The following ZNF569 variants were observed in gnomAD, a reference collection of about 807,000 sequenced individuals.
ZNF569 encodes zinc finger protein 569.
A neutral mutation model predicts 56.3 loss-of-function variants in ZNF569; 38 were observed. The observed-to-expected ratio is 0.68, with a 90% CI of 0.52 to 0.88. ZNF569 has a LOEUF of 0.88. Among genes scored for constraint, ZNF569 ranks in the 40% least tolerant of loss-of-function variants. The probability of loss-of-function intolerance (pLI) is 0.00; values close to 1 mark genes in which losing one functional copy is unlikely to be tolerated. For synonymous variants in ZNF569, 241 were observed against 262.9 expected (o/e 0.92, Z 0.81); for missense variants, 666 against 809.2 (o/e 0.82, Z 2.15).
intron 3 of ZNF569, among the ~76,000 whole-genome samples, chr19:37,440,783 T>C (rs1022340016): frequency 5.9e-5 from 9 of 152,212 alleles, no homozygotes; most frequent in African/African-American, 2.2e-4. Context: ...TCAGCTGAAC[T>C]AATTTCATTT....
At chr19:37,446,672 A>G (rs891128019) in intron 2 of ZNF569, among the ~76,000 whole-genome samples, 1 of 152,160 alleles carries the variant, frequency 6.6e-6, no homozygotes, top group East Asian at 1.9e-4. Context: ...CTAAAAGATA[A>G]CATTCGAAAA....
intron 2 of ZNF569, among the ~76,000 whole-genome samples, chr19:37,460,402 CAAAG>C (rs2041738204): frequency 6.6e-6 from 1 of 152,094 alleles, no homozygotes. Flanking sequence ...CTTGGCCTCC[CAAAG>C]TGCTGGGATT....
chr19:37,424,311 G>T (rs1331066908), intron 5 of ZNF569, among the ~76,000 whole-genome samples: 1 of 152,104 alleles, frequency 6.6e-6, no homozygotes, highest in African/African-American at 2.4e-5. Flanking sequence ...TCCTGTATAT[G>T]AGGGTGGATG....
chr19:37,414,452 A>C, intron 5 of ZNF569, 33 bp from the exon 6 acceptor site: 1 of 1,522,162 alleles, frequency 6.6e-7, no homozygotes. Context: ...ATCACTTACA[A>C]ATTTTTTTCC....
In ZNF569 at chr19:37,426,335, T is replaced by A. The variant is rs759873498; in HGVS notation, c.59A>T (p.Glu20Val). The A allele has an allele frequency of 1.9e-6, 3 of 1,613,080 alleles. No individual in the cohort carries two copies. The highest frequency in any genetic ancestry group is 1.7e-5 in the Admixed American group (1 of 59,782). ...AGCAGGATCCAATCTCTTCCACTCC[T>A]CCTGAGTGAAGTCGATAGCCACATC... is the stretch of plus-strand genomic sequence containing the variant. ...FKDVAIDFTQ[E>V]EWKRLDPAQR... The change falls in exon 4 of 6, where the codon GAG becomes GTG. Residue 20 changes from glutamate to valine, a missense_variant. By Grantham distance (121) the Glu-to-Val change is moderately radical. Coordinates refer to ENST00000316950, the MANE Select transcript of ZNF569 (RefSeq NM_152484.3).
intron 2 of ZNF569, among the ~76,000 whole-genome samples, chr19:37,460,887 G>A (rs993303793): frequency 3.3e-5 from 5 of 151,776 alleles, no homozygotes; most frequent in Admixed American, 6.6e-5. Context: ...GATAGTCAAA[G>A]GTTGCACCCA....
At chr19:37,425,354 C>T (rs181422977) in intron 5 of ZNF569, among the ~76,000 whole-genome samples, 1 of 136,442 alleles carries the variant, frequency 7.3e-6, no homozygotes, top group African/African-American at 2.7e-5. Context: ...CAGAGTCTTG[C>T]TCTGTCGCCC....
intron 3 of ZNF569, 88 bp downstream of exon 3, chr19:37,444,819 C>T (rs551485529): frequency 1.4e-5 from 15 of 1,046,200 alleles, no homozygotes; most frequent in South Asian, 1.0e-4. Flanking sequence ...GTATACAGAC[C>T]TTTATAATTT....
chr19:37,455,520 T>A (rs1466902361), intron 2 of ZNF569, among the ~76,000 whole-genome samples: 2 of 152,148 alleles, frequency 1.3e-5, no homozygotes, highest in Non-Finnish European at 2.9e-5. Context: ...ATAATATATA[T>A]TTTTTAACAC....
chr19:37,447,145 G>A (rs2041511241), intron 2 of ZNF569, among the ~76,000 whole-genome samples: 1 of 152,180 alleles, frequency 6.6e-6, no homozygotes, highest in Non-Finnish European at 1.5e-5. Flanking sequence ...CTGTCGGTAG[G>A]AATGTAAACT....
intron 5 of ZNF569, among the ~76,000 whole-genome samples, chr19:37,416,781 G>A (rs2146860784): frequency 6.6e-6 from 1 of 152,036 alleles, no homozygotes; most frequent in South Asian, 2.1e-4. Context: ...CATTTACAAT[G>A]ACAACAAAAA....
At chr19:37,432,413 G>A (rs1276932241) in intron 3 of ZNF569, among the ~76,000 whole-genome samples, 4 of 152,180 alleles carry the variant, frequency 2.6e-5, no homozygotes, top group Non-Finnish European at 4.4e-5. Flanking sequence ...GACCATCAAG[G>A]TGGTACCTCT....
At chr19:37,422,500 G>A (rs2041054840) in intron 5 of ZNF569, among the ~76,000 whole-genome samples, 1 of 152,126 alleles carries the variant, frequency 6.6e-6, no homozygotes, top group Non-Finnish European at 1.5e-5. Context: ...GCAAGAATGT[G>A]ACACAGACAC....
intron 2 of ZNF569, chr19:37,455,103 C>T (rs905740821): frequency 7.0e-6 from 3 of 428,544 alleles, no homozygotes; most frequent in Non-Finnish European, 1.2e-5. Context: ...CCCCTCATTA[C>T]AATAAACTTT....
intron 2 of ZNF569, among the ~76,000 whole-genome samples, chr19:37,451,700 T>C (rs774871470): frequency 9.2e-5 from 14 of 152,170 alleles, no homozygotes; most frequent in Non-Finnish European, 2.1e-4. Flanking sequence ...CCTTGTCTCT[T>C]GTGACAGTTT....
intron 3 of ZNF569, among the ~76,000 whole-genome samples, chr19:37,441,947 T>C (rs1017215894): frequency 1.3e-5 from 2 of 152,232 alleles, no homozygotes; most frequent in African/African-American, 4.8e-5. Flanking sequence ...AGAACAGGGA[T>C]ACAAAGTAGA....
intron 2 of ZNF569, among the ~76,000 whole-genome samples, chr19:37,458,796 A>T (rs1425692281): frequency 5.3e-5 from 8 of 152,248 alleles, no homozygotes; most frequent in Non-Finnish European, 1.2e-4. Flanking sequence ...AGTTAGAAAA[A>T]GAGATGGGTA....
chr19:37,427,316 C>CA (rs970502592), intron 3 of ZNF569, among the ~76,000 whole-genome samples: 109 of 131,128 alleles, frequency 8.3e-4, no homozygotes, highest in East Asian at 1.1e-3. Context: ...GGCCCTGTCT[C>CA]AAAAAAAAAA....
At position 37,413,096 on chromosome 19, in the gene ZNF569, G is replaced by A; in HGVS notation, c.1562C>T (p.Pro521Leu). The part of the protein sequence containing the change: ...THQKVHTGEK[P>L]YDCNECGKAF... ...TTTACCACATTCATTACAATCATAAGGTTTCTCTCCAGTATGAACTTTTTG... is the reference window on the plus strand; with the variant it reads ...TTTACCACATTCATTACAATCATAAAGTTTCTCTCCAGTATGAACTTTTTG... Residue 521 changes from proline to leucine, a missense_variant, in exon 6 of 6, where the codon CCT (proline) becomes CTT (leucine). Physicochemically the swap from Pro to Leu is moderately conservative, Grantham distance 98. Coordinates refer to ENST00000316950, the MANE Select transcript of ZNF569 (RefSeq NM_152484.3). The A allele has an allele frequency of 8.1e-6, 13 of 1,613,682 alleles. No homozygotes were observed. The highest frequency in any genetic ancestry group is 1.0e-5 in the Non-Finnish European group (12 of 1,179,828).
Sources: gnomAD v4.1 joint callset for allele counts (sites outside exome capture counted in the v4.1 genomes callset) on GRCh38, gnomAD v4.1.1 for gene constraint, MANE v1.5 for transcripts, NCBI Gene and HGNC (gene_info 2026-07-23, HGNC 2026-07-21) for gene names.